TCF12: variants seen among roughly 807,000 people sequenced by gnomAD.
The protein encoded by TCF12 is DNA-binding protein HTF4.
A neutral mutation model predicts 86.0 loss-of-function variants in TCF12; 45 were observed. The observed-to-expected ratio is 0.52, with a 90% CI of 0.41 to 0.67. The LOEUF is 0.67. Ranked by LOEUF, TCF12 falls within the 30% of genes least tolerant of loss-of-function variation. TCF12 has a pLI of 0.00. For missense variants in TCF12, 881 were observed against 859.9 expected (o/e 1.02, Z -0.31); for synonymous variants, 330 against 299.6 (o/e 1.10, Z -1.05).
chr15:57,016,423 G>T (rs924350949), intron 3 of TCF12, among the ~76,000 whole-genome samples: 1 of 152,138 alleles, frequency 6.6e-6, no homozygotes, highest in Non-Finnish European at 1.5e-5. Flanking sequence ...GATGGTTTAT[G>T]GGATTTGTTT....
rs1266391586 is a variant in TCF12, at chr15:56,919,935, A to C, written c.22A>C (p.Met8Leu). Residue 8 changes from methionine to leucine, a missense_variant, in exon 2 of 21, where the codon ATG becomes CTG. Transcript: ENST00000333725. The part of the protein sequence containing the change: MNPQQQR[M>L]AAIGTDKELS... ...GAAGATGAATCCCCAGCAACAACGC[A>C]TGGCCGCTATAGGGACCGACAAGGA... The C allele has an allele frequency of 1.1e-5, 18 of 1,613,992 alleles. No homozygotes were observed. The highest frequency in any genetic ancestry group is 1.4e-5 in the Non-Finnish European group (16 of 1,179,954).
At chr15:57,258,297 A>T (rs559757727) in intron 16 of TCF12, among the ~76,000 whole-genome samples, 148 of 152,120 alleles carry the variant, frequency 9.7e-4, no homozygotes, top group Non-Finnish European at 1.6e-3. Flanking sequence ...AAAAAAGGGG[A>T]ATCGTGAATT....
At chr15:56,991,592 C>G (rs2063461923) in intron 3 of TCF12, among the ~76,000 whole-genome samples, 1 of 152,164 alleles carries the variant, frequency 6.6e-6, no homozygotes, top group Non-Finnish European at 1.5e-5. Context: ...CCTTTTTAGT[C>G]TGTGAATTTA....
At chr15:57,167,621 AAG>A (rs1567551987) in intron 6 of TCF12, among the ~76,000 whole-genome samples, 2 of 152,000 alleles carry the variant, frequency 1.3e-5, no homozygotes, top group African/African-American at 2.4e-5. Flanking sequence ...GAAAGGAAGA[AAG>A]AGAGAGAGAA....
rs368671840 is a variant in TCF12 at position 57,265,474 on chromosome 15, G to T, written c.1745+2200G>T. 2.0e-5 allele frequency among the ~76,000 whole-genome samples: 3 copies of T among 152,094 alleles called. No homozygotes were observed. In the East Asian group the frequency reaches 5.8e-4, roughly 29 times the overall value. ...CTTGCTCCCTGAGCTGCTGGGATAG[G>T]CTGCAGCCTCCCCCGACCCTGAACT... On this transcript the variant is annotated intron_variant, in intron 18 of 20. Coordinates refer to ENST00000333725, the MANE Select transcript of TCF12 (RefSeq NM_207037.2).
At chr15:57,158,731 T>C (rs2054293821) in intron 5 of TCF12, among the ~76,000 whole-genome samples, 1 of 152,204 alleles carries the variant, frequency 6.6e-6, no homozygotes, top group South Asian at 2.1e-4. Context: ...AGGGATCCTG[T>C]GGTTTATCAC....
chr15:56,928,204 G>T (rs1236959902), intron 3 of TCF12, among the ~76,000 whole-genome samples: 1 of 152,038 alleles, frequency 6.6e-6, no homozygotes, highest in Non-Finnish European at 1.5e-5. Flanking sequence ...GTGAAAAGTG[G>T]GTAATAATGC....
intron 3 of TCF12, among the ~76,000 whole-genome samples, chr15:57,008,063 C>T (rs2064575272): frequency 6.6e-6 from 1 of 151,660 alleles, no homozygotes. Flanking sequence ...TGGGCTCAAG[C>T]CATCCTCATG....
At chr15:57,270,942 C>T (rs184770663) in intron 18 of TCF12, among the ~76,000 whole-genome samples, 2 of 152,120 alleles carry the variant, frequency 1.3e-5, no homozygotes, top group African/African-American at 2.4e-5. Flanking sequence ...CTGGAAGCTT[C>T]GTCCCAGAGG....
At chr15:57,053,617 CTT>C (rs35913345) in intron 3 of TCF12, among the ~76,000 whole-genome samples, 115 of 145,128 alleles carry the variant, frequency 7.9e-4, no homozygotes, top group Middle Eastern at 3.5e-3. Context: ...AGCCCATCAC[CTT>C]TTTTTTTTTT....
chr15:57,225,835 T>G lies in TCF12; in HGVS notation c.580-5317T>G, dbSNP rs374698791. ...TGCTACGTGTGGAACTTGCGTAGAT[T>G]AATCAATTTATTTATTTATTCATTT... On this transcript the variant is annotated intron_variant, in intron 8 of 20. Transcript: ENST00000333725. Among the ~76,000 whole-genome samples, 57 of 149,344 alleles carry G rather than the reference T, an allele frequency of 3.8e-4. 2 individuals carry two copies. The South Asian group carries it at 0.012, about 30-fold the overall frequency.
intron 5 of TCF12, among the ~76,000 whole-genome samples, chr15:57,136,571 A>AT (rs373208994): frequency 6.6e-6 from 1 of 151,840 alleles, no homozygotes; most frequent in East Asian, 1.9e-4. Flanking sequence ...ACACTAATAC[A>AT]TATAAAGGAA....
At chr15:57,219,726 T>TC (rs2058495528) in intron 8 of TCF12, 1 of 750,914 alleles carries the variant, frequency 1.3e-6, no homozygotes, top group African/African-American at 1.8e-5. Flanking sequence ...ATTTCTTTTT[T>TC]TTTTTTTTTT....
chr15:57,022,302 G>A (rs759008606), intron 3 of TCF12, among the ~76,000 whole-genome samples: 17 of 152,106 alleles, frequency 1.1e-4, no homozygotes, highest in Admixed American at 2.0e-4. Flanking sequence ...CCACCTATGA[G>A]TGAGAACATG....
At chr15:57,030,272 G>A (rs111761617) in intron 3 of TCF12, among the ~76,000 whole-genome samples, 1,794 of 151,996 alleles carry the variant, frequency 0.012, 39 homozygotes, top group African/African-American at 0.042. Flanking sequence ...ATGGTCTTGC[G>A]CTGTCACTGA....
chr15:57,041,116 C>G (rs879876030), intron 3 of TCF12, among the ~76,000 whole-genome samples: 23 of 152,072 alleles, frequency 1.5e-4, no homozygotes, highest in South Asian at 2.1e-4. Context: ...ACATCAGGTA[C>G]TTCTTCTACA....
chr15:57,092,110 G>A, intron 5 of TCF12: 1 of 401,648 alleles, frequency 2.5e-6, no homozygotes, highest in Non-Finnish European at 4.5e-6. Flanking sequence ...GTCAAAAAAA[G>A]AAGTGGCAGT....
At chr15:57,087,082 T>C (rs1054473893) in intron 4 of TCF12, among the ~76,000 whole-genome samples, 3 of 141,578 alleles carry the variant, frequency 2.1e-5, no homozygotes, top group African/African-American at 8.8e-5. Context: ...TCTCCCTCTG[T>C]CTCCCTCTGT....
chr15:56,921,275 T>G (rs1487668763), intron 3 of TCF12, among the ~76,000 whole-genome samples, 177 bp downstream of exon 3: 8 of 152,122 alleles, frequency 5.3e-5, no homozygotes, highest in African/African-American at 1.9e-4. Flanking sequence ...CCCTCAGAAA[T>G]CTGTAGGAAA....
Sources: gnomAD v4.1 joint callset for allele counts (sites outside exome capture counted in the v4.1 genomes callset) on GRCh38, gnomAD v4.1.1 for gene constraint, MANE v1.5 for transcripts, NCBI Gene and HGNC (gene_info 2026-07-23, HGNC 2026-07-21) for gene names.